The following CDYL variants were observed in gnomAD, a reference collection of about 807,000 sequenced individuals.
The protein encoded by CDYL is chromodomain Y like, also known as chromodomain Y-like protein.
A neutral mutation model predicts 47.3 loss-of-function variants in CDYL; 8 were observed. That is an observed-to-expected ratio of 0.17 (90% CI 0.10 to 0.31). The LOEUF (loss-of-function observed/expected upper bound fraction) is 0.31, where lower values mean the gene tolerates loss of function less well. Ranked by LOEUF, CDYL falls within the 10% of genes least tolerant of loss-of-function variation. The probability of loss-of-function intolerance (pLI) is 1.00; values close to 1 mark genes in which losing one functional copy is unlikely to be tolerated. For missense variants in CDYL, 471 were observed against 701.4 expected (o/e 0.67, Z 3.71); for synonymous variants, 266 against 265.0 (o/e 1.00, Z -0.04).
chr6:4,874,829 G>A (rs927854830), intron 1 of CDYL, among the ~76,000 whole-genome samples: 1 of 152,076 alleles, frequency 6.6e-6, no homozygotes, highest in Non-Finnish European at 1.5e-5. Context: ...GTACTTGTTC[G>A]TGTCTGTTTT....
In CDYL at chr6:4,791,315, C is replaced by T. The variant is rs144320061; in HGVS notation, c.24+14508C>T. On this transcript the variant is annotated intron_variant, in intron 1 of 6. Transcript: ENST00000397588. ...TGGGCCCTAGTGATGAAATTTTTAACGAAGACCTTTCATTTTGTGTGTGAG... is the reference window on the plus strand; with the variant it reads ...TGGGCCCTAGTGATGAAATTTTTAATGAAGACCTTTCATTTTGTGTGTGAG... Among the ~76,000 whole-genome samples the T allele has an allele frequency of 2.2e-3, 333 of 152,274 alleles. 3 individuals carry two copies. The highest frequency in any genetic ancestry group is 3.4e-3 in the Non-Finnish European group (230 of 68,022).
intron 1 of CDYL, among the ~76,000 whole-genome samples, chr6:4,882,832 T>TA (rs575450307): frequency 3.0e-4 from 46 of 152,310 alleles, no homozygotes; most frequent in Non-Finnish European, 5.1e-4. Context: ...TTCCAGCTCT[T>TA]ACTGCCCCAG....
chr6:4,950,848 T>C (rs1758679125), intron 5 of CDYL, among the ~76,000 whole-genome samples: 1 of 150,134 alleles, frequency 6.7e-6, no homozygotes, highest in Non-Finnish European at 1.5e-5. Context: ...AGGAGAATGG[T>C]GTGAGCCTGG....
At position 4,921,290 on chromosome 6, in the gene CDYL, A is replaced by G. The variant is rs551774706; in HGVS notation, c.692-14225A>G. On this transcript the variant is annotated intron_variant, in intron 2 of 6. Coordinates refer to ENST00000397588, the MANE Select transcript of CDYL (RefSeq NM_004824.4). ...TAAGCCTCGTTTTCTCTCTCTGCCC[A>G]AGTAACTGAAGCTCACCACATGGTG... Among the ~76,000 whole-genome samples the G allele has an allele frequency of 3.9e-5, 6 of 152,306 alleles. No individual in the cohort carries two copies. The East Asian group carries it at 9.6e-4, about 24-fold the overall frequency.
upstream of CDYL, chr6:4,775,467 G>A (rs1758412479): frequency 6.6e-6 from 1 of 151,492 alleles, no homozygotes; most frequent in Non-Finnish European, 1.5e-5. The surrounding 1 kb of genome is among the most constrained non-coding windows in gnomAD (Gnocchi z 7.0). Flanking sequence ...TTCCGCGAAA[G>A]GAACCACCAT....
Position 4,852,499 on chromosome 6 carries a change from C to CCTTCCTTCCTTCCAAT in CDYL, c.25-39200_25-39185dup, listed in dbSNP as rs1351363055. 3.3e-3 allele frequency among the ~76,000 whole-genome samples: 387 copies of CCTTCCTTCCTTCCAAT among 115,524 alleles called. 4 individuals are homozygous for CCTTCCTTCCTTCCAAT. Among genetic ancestry groups the CCTTCCTTCCTTCCAAT allele is most frequent in the Non-Finnish European group, 4.8e-3 (277 of 57,174 alleles). 75.8% of individuals were successfully genotyped at this position (115,524 alleles called of 152,430 possible). A position where few individuals can be genotyped will look rare whatever the true frequency, so the allele number is the denominator to read the frequency against. On this transcript the variant is annotated intron_variant, in intron 1 of 6. Coordinates refer to ENST00000397588, the MANE Select transcript of CDYL (RefSeq NM_004824.4). ...TCCTTCCTTCCTTCCTTCCAATCTT[C>CCTTCCTTCCTTCCAAT]CTTCCTTCCTTCCAATCTTCCTTCC...
Position 4,708,158 on chromosome 6 carries a change from ACACACACACAC to A in CDYL, c.-39+1908_-39+1918del, listed in dbSNP as rs1757081195. On this transcript the variant is annotated intron_variant, in intron 1 of 8. Transcript: ENST00000328908. ...GTTTGTGTTGTGTACACACACACAC[ACACACACACAC>A]ACACACACATATATATATATATATT... 4.0e-5 allele frequency among the ~76,000 whole-genome samples: 3 copies of A among 74,718 alleles called. No individual in the cohort carries two copies. In the South Asian group the frequency reaches 1.3e-3, roughly 32 times the overall value. The allele number at this position is 74,718 out of a possible 152,430, so 49.0% of individuals were successfully genotyped here. A position where few individuals can be genotyped will look rare whatever the true frequency, so the allele number is the denominator to read the frequency against.
chr6:4,812,366 G>A lies in CDYL; in HGVS notation c.24+35559G>A, dbSNP rs1581182693. Among the ~76,000 whole-genome samples, 8 of 152,214 alleles carry A rather than the reference G, an allele frequency of 5.3e-5. No homozygotes were observed. In the South Asian group the frequency reaches 1.7e-3, roughly 32 times the overall value. On this transcript the variant is annotated intron_variant, in intron 1 of 6. Transcript: ENST00000397588. ...TTGTCTGCAGCTTTTGTTTTTTTGG[G>A]ATGTCCGGTGTAGCGGTGAACTCAC...
intron 1 of CDYL, among the ~76,000 whole-genome samples, chr6:4,883,689 G>A (rs808619): frequency 0.023 from 3,431 of 152,294 alleles, 128 homozygotes; most frequent in African/African-American, 0.078. Flanking sequence ...AAGCTCTGTT[G>A]AAGGCACTGT....
At chr6:4,772,564 G>A (rs1277972483), upstream of CDYL, among the ~76,000 whole-genome samples, 2 of 152,152 alleles carry the variant, frequency 1.3e-5, no homozygotes, top group Non-Finnish European at 2.9e-5. Flanking sequence ...TCTTTCTTTT[G>A]GGTCTCAGGT....
intron 1 of CDYL, among the ~76,000 whole-genome samples, chr6:4,855,586 G>A (rs537996851): frequency 3.3e-5 from 5 of 152,144 alleles, no homozygotes; most frequent in African/African-American, 9.7e-5. Flanking sequence ...TTTCCATTTG[G>A]TGGAAGGACC....
In CDYL at chr6:4,873,049, T is replaced by C. The variant is rs576885320; in HGVS notation, c.25-18664T>C. On this transcript the variant is annotated intron_variant, in intron 1 of 6. Transcript: ENST00000397588. ...TTTTGTAGTTTTTCCTTCTCAGTTG[T>C]AGCAGCTGTGTGGGAAAAGTTCTGT... Among the ~76,000 whole-genome samples, 12 of 152,368 alleles carry C rather than the reference T, an allele frequency of 7.9e-5. No individual in the cohort carries two copies. In the Middle Eastern group the frequency reaches 0.01, roughly 130 times the overall value.
At chr6:4,935,406 G>C (rs1021354667) in intron 2 of CDYL, 109 bp from the exon 3 acceptor site, 5 of 958,194 alleles carry the variant, frequency 5.2e-6, no homozygotes, top group Non-Finnish European at 7.9e-6. Flanking sequence ...TCTTATATTC[G>C]TTTAATCCTA....
rs1222848777 is a variant in CDYL at position 4,759,879 on chromosome 6, C to A, written c.186+25035C>A. 2.1e-3 allele frequency among the ~76,000 whole-genome samples: 52 copies of A among 25,066 alleles called. 1 individual carries two copies. Among genetic ancestry groups the A allele is most frequent in the Non-Finnish European group, 3.7e-3 (33 of 8,826 alleles). The allele number at this position is 25,066 out of a possible 152,430, so 16.4% of individuals were successfully genotyped here. A position where few individuals can be genotyped will look rare whatever the true frequency, so the allele number is the denominator to read the frequency against. ...GGGCAACAAGAGAGAAACTCCATCT[C>A]AAAAAAAAAAAAAAAAAAAAAAAAA... On this transcript the variant is annotated intron_variant, in intron 3 of 8. Coordinates refer to the CDYL transcript ENST00000328908.
intron 1 of CDYL, among the ~76,000 whole-genome samples, chr6:4,777,327 G>A (rs1212836983): frequency 6.6e-6 from 1 of 152,210 alleles, no homozygotes; most frequent in Non-Finnish European, 1.5e-5. Context: ...TTGACCACAT[G>A]CTTTAATTAG....
intron 3 of CDYL, among the ~76,000 whole-genome samples, chr6:4,754,346 C>T (rs1219429592): frequency 2.0e-5 from 3 of 152,044 alleles, no homozygotes; most frequent in African/African-American, 4.8e-5. Flanking sequence ...TGAAGTTGGC[C>T]GATTTTCATT....
rs569089798 is a variant in CDYL, at chr6:4,739,501, CAA to C, written c.186+4658_186+4659del. On this transcript the variant is annotated intron_variant, in intron 3 of 8. Coordinates refer to the CDYL transcript ENST00000328908. ...GCCATTTGCACTCCAGCCTGGGTGA[CAA>C]GAGTAAAACTCTGACTCAAAAAAAA... 2.5e-4 allele frequency among the ~76,000 whole-genome samples: 23 copies of C among 92,038 alleles called. No homozygotes were observed. In the East Asian group the frequency reaches 6.3e-3, roughly 25 times the overall value. 60.4% of individuals were successfully genotyped at this position (92,038 alleles called of 152,430 possible).
intron 2 of CDYL, among the ~76,000 whole-genome samples, chr6:4,900,119 C>T (rs373991949): frequency 4.5e-4 from 69 of 152,288 alleles, no homozygotes; most frequent in African/African-American, 1.6e-3. Flanking sequence ...ATACCAAATT[C>T]CCCAGAGAGA....
intron 1 of CDYL, among the ~76,000 whole-genome samples, chr6:4,880,490 A>G (rs1440021817): frequency 1.3e-5 from 2 of 152,302 alleles, no homozygotes; most frequent in East Asian, 1.9e-4. Context: ...TAATGCTACT[A>G]TATAAATATT....
Sources: allele counts gnomAD v4.1 joint callset (sites outside exome capture counted in the v4.1 genomes callset), GRCh38; gene constraint gnomAD v4.1.1; non-coding constraint Gnocchi (gnomAD v3.1); transcripts MANE v1.5; gene names NCBI Gene and HGNC (gene_info 2026-07-23, HGNC 2026-07-21).